Variants in ZNF892 observed in about 807,000 individuals in gnomAD.
ZNF892 encodes zinc finger protein 892.
chr2:95,253,516 G>A, the ZNF892 span, among the ~76,000 whole-genome samples: 2 of 152,160 alleles, frequency 1.3e-5, no homozygotes, highest in South Asian at 4.1e-4. Flanking sequence ...GTCAGGTCGC[G>A]AGATGCCTCC....
the ZNF892 span, among the ~76,000 whole-genome samples, chr2:95,227,244 G>C: frequency 2.0e-5 from 3 of 151,634 alleles, no homozygotes; most frequent in East Asian, 1.9e-4. Flanking sequence ...AACTATTTGC[G>C]ACAGGATTGC....
the ZNF892 span, chr2:95,208,700 T>C: frequency 2.5e-6 from 1 of 398,612 alleles, no homozygotes; most frequent in Non-Finnish European, 4.4e-6. Context: ...CAAAAGAAAA[T>C]GACGTGACTG....
chr2:95,215,855 C>T, the ZNF892 span, among the ~76,000 whole-genome samples: 6 of 152,146 alleles, frequency 3.9e-5, no homozygotes, highest in Non-Finnish European at 8.8e-5. Flanking sequence ...ATGTAAATTG[C>T]CATATCCTTG....
the ZNF892 span, among the ~76,000 whole-genome samples, chr2:95,236,995 A>G: frequency 2.0e-5 from 3 of 152,070 alleles, no homozygotes; most frequent in Non-Finnish European, 2.9e-5. Flanking sequence ...TTACAAATGG[A>G]AGGTTTGTGG....
chr2:95,261,085 C>T, the ZNF892 span, among the ~76,000 whole-genome samples: 1 of 152,136 alleles, frequency 6.6e-6, no homozygotes, highest in Non-Finnish European at 1.5e-5. Context: ...CATCAGGCTA[C>T]AAGTTTGAGT....
chr2:95,255,081 A>G, the ZNF892 span, among the ~76,000 whole-genome samples: 194 of 152,212 alleles, frequency 1.3e-3, no homozygotes, highest in African/African-American at 4.6e-3. Context: ...TATATCCTTC[A>G]GTTCTGCTCT....
At chr2:95,219,493 T>TA in the ZNF892 span, among the ~76,000 whole-genome samples, 1 of 152,206 alleles carries the variant, frequency 6.6e-6, no homozygotes, top group Non-Finnish European at 1.5e-5. Context: ...TGTTTGTAAT[T>TA]ACTCATTGAG....
At chr2:95,218,256 T>C in the ZNF892 span, among the ~76,000 whole-genome samples, 2 of 152,252 alleles carry the variant, frequency 1.3e-5, no homozygotes, top group African/African-American at 2.4e-5. Flanking sequence ...TGCTTCCTTG[T>C]TTCTTAACAG....
the ZNF892 span, among the ~76,000 whole-genome samples, chr2:95,208,439 C>T: frequency 6.6e-6 from 1 of 152,154 alleles, no homozygotes; most frequent in Non-Finnish European, 1.5e-5. Flanking sequence ...TCCAGATGCT[C>T]ATAGGAGTTC....
the ZNF892 span, among the ~76,000 whole-genome samples, chr2:95,224,283 G>A: frequency 5.3e-5 from 8 of 152,116 alleles, no homozygotes; most frequent in East Asian, 1.3e-3. Context: ...GCCTGTTCTG[G>A]ACATTTCATA....
the ZNF892 span, among the ~76,000 whole-genome samples, chr2:95,216,057 C>T: frequency 6.6e-6 from 1 of 152,026 alleles, no homozygotes; most frequent in Non-Finnish European, 1.5e-5. Flanking sequence ...GGAAGTTGTC[C>T]TTCATTCTTA....
At chr2:95,210,269 G>A in the ZNF892 span, among the ~76,000 whole-genome samples, 1 of 150,704 alleles carries the variant, frequency 6.6e-6, no homozygotes, top group African/African-American at 2.4e-5. Context: ...ATATGTGTGT[G>A]TATATATATT....
the ZNF892 span, among the ~76,000 whole-genome samples, chr2:95,229,895 TGTCA>T: frequency 2.6e-5 from 4 of 152,340 alleles, no homozygotes; most frequent in East Asian, 7.7e-4. Flanking sequence ...ACAGCACCTC[TGTCA>T]GCTAGGCATG....
At chr2:95,259,363 C>G in the ZNF892 span, 8 of 152,844 alleles carry the variant, frequency 5.2e-5, no homozygotes, top group African/African-American at 1.9e-4. Context: ...TGACAAGACC[C>G]CAGAGATCCA....
the ZNF892 span, among the ~76,000 whole-genome samples, chr2:95,262,246 G>C: frequency 6.6e-6 from 1 of 152,174 alleles, no homozygotes. Flanking sequence ...CTCTGACAGG[G>C]AGAATTTGCT....
the ZNF892 span, among the ~76,000 whole-genome samples, chr2:95,257,600 C>T: frequency 1.1e-4 from 17 of 152,222 alleles, no homozygotes; most frequent in Admixed American, 3.9e-4. Flanking sequence ...TCAAAGCTGT[C>T]AGACAGGGAC....
chr2:95,243,543 C>T, the ZNF892 span, among the ~76,000 whole-genome samples: 6 of 151,910 alleles, frequency 3.9e-5, no homozygotes, highest in South Asian at 2.1e-4. Context: ...CCGGCCGCCC[C>T]GTCTGAGAAG....
chr2:95,224,632 C>T, the ZNF892 span, among the ~76,000 whole-genome samples: 86 of 152,158 alleles, frequency 5.7e-4, no homozygotes, highest in Non-Finnish European at 1.1e-3. Context: ...ATGATCCAAT[C>T]GCCTCCAATC....
At chr2:95,246,608 C>A in the ZNF892 span, among the ~76,000 whole-genome samples, 1 of 152,174 alleles carries the variant, frequency 6.6e-6, no homozygotes, top group East Asian at 1.9e-4. Context: ...ATCTAGAAAA[C>A]CCCATCATCT....
Sources: allele counts gnomAD v4.1 joint callset (sites outside exome capture counted in the v4.1 genomes callset), GRCh38; gene constraint gnomAD v4.1.1; transcripts MANE v1.5; gene names NCBI Gene and HGNC (gene_info 2026-07-23, HGNC 2026-07-21).